PSMD1: variants seen among roughly 807,000 people sequenced by gnomAD.
PSMD1 encodes the protein 26S proteasome non-ATPase regulatory subunit 1.
PSMD1 carries 18 observed loss-of-function variants against 119.0 expected under a neutral mutation model. The ratio of observed to expected loss-of-function variants is 0.15; its 90% CI spans 0.10 to 0.22. The LOEUF is 0.22. PSMD1 is among the 10% of genes least tolerant of loss of function. The pLI, the probability that PSMD1 is intolerant of heterozygous loss-of-function variation, is 1.00. For missense variants in PSMD1, 702 were observed against 1,158.5 expected (o/e 0.61, Z 5.72); for synonymous variants, 374 against 396.6 (o/e 0.94, Z 0.68).
rs144403964 is a variant in PSMD1 at position 231,161,105 on chromosome 2, G to A, written c.2219-235G>A. On this transcript the variant is annotated intron_variant, in intron 19 of 24. Coordinates refer to ENST00000308696, the MANE Select transcript of PSMD1 (RefSeq NM_002807.4). ...CCCGCACATGTAGTCCTAGCTACTCGGGAGGCTAAAAGAGGAGGATCCCTT... is the reference window on the plus strand; with the variant it reads ...CCCGCACATGTAGTCCTAGCTACTCAGGAGGCTAAAAGAGGAGGATCCCTT... Among the ~76,000 whole-genome samples the A allele has an allele frequency of 1.8e-4, 28 of 152,058 alleles. No individual in the cohort carries two copies. In the East Asian group the frequency reaches 2.9e-3, roughly 16 times the overall value.
chr2:231,135,138 A>G (rs975111707), intron 16 of PSMD1, among the ~76,000 whole-genome samples: 7 of 152,218 alleles, frequency 4.6e-5, no homozygotes, highest in African/African-American at 1.7e-4. Context: ...AATTACGGAA[A>G]GAGCTTTAAG....
At position 231,056,966 on chromosome 2, in the gene PSMD1, A is replaced by G. The variant is rs1047709765; in HGVS notation, c.-60A>G. The G allele has an allele frequency of 9.7e-6, 15 of 1,538,800 alleles. No homozygotes were observed. Among genetic ancestry groups the G allele is most frequent in the African/African-American group, 2.8e-5 (2 of 71,484 alleles). On this transcript the variant is annotated 5_prime_UTR_variant, in exon 1 of 25. Transcript: ENST00000308696. ...GGTGAACTGAGCGGCCCCTGAGCTG[A>G]CAGATACACTGCGCAGCTGGAACGG...
At chr2:231,134,295 T>C (rs182448409) in intron 16 of PSMD1, among the ~76,000 whole-genome samples, 165 of 152,316 alleles carry the variant, frequency 1.1e-3, no homozygotes, top group Non-Finnish European at 2.0e-3. Context: ...AAATTCTGTG[T>C]TATCTGTGTG....
rs1052837205 is a variant in PSMD1, at chr2:231,116,433, C to T, written c.1884-22303C>T. Among the ~76,000 whole-genome samples the T allele has an allele frequency of 5.3e-5, 8 of 152,114 alleles. No individual in the cohort carries two copies. In the South Asian group the frequency reaches 1.7e-3, roughly 32 times the overall value. ...CTTGAAGTCCTTACTCTCTCTGTAA[C>T]ATCTTTTAAAATAGTTTGCCAACTA... On this transcript the variant is annotated intron_variant, in intron 16 of 24. Transcript: ENST00000308696.
At chr2:231,134,470 A>G (rs1441162461) in intron 16 of PSMD1, among the ~76,000 whole-genome samples, 1 of 152,194 alleles carries the variant, frequency 6.6e-6, no homozygotes, top group Non-Finnish European at 1.5e-5. Context: ...CGTGTATAAT[A>G]ATCACTCAAT....
chr2:231,105,394 A>G (rs1694952405), intron 16 of PSMD1, among the ~76,000 whole-genome samples: 1 of 152,164 alleles, frequency 6.6e-6, no homozygotes, highest in South Asian at 2.1e-4. Flanking sequence ...TGTTCATGTC[A>G]TTGACTTCTG....
At chr2:231,151,143 T>G (rs940709882) in intron 18 of PSMD1, among the ~76,000 whole-genome samples, 2 of 152,168 alleles carry the variant, frequency 1.3e-5, no homozygotes, top group African/African-American at 4.8e-5. Context: ...AAAGCTAATA[T>G]GATTTTTCTC....
intron 16 of PSMD1, among the ~76,000 whole-genome samples, chr2:231,126,617 A>T (rs1177424228): frequency 1.3e-5 from 2 of 152,116 alleles, no homozygotes; most frequent in East Asian, 3.9e-4. Flanking sequence ...ATAAGCCTTT[A>T]TTGATTTGTT....
chr2:231,135,025 C>G (rs1255852725), intron 16 of PSMD1, among the ~76,000 whole-genome samples: 1 of 152,144 alleles, frequency 6.6e-6, no homozygotes, highest in African/African-American at 2.4e-5. Flanking sequence ...TTATGGGAGA[C>G]AGAAAATATA....
intron 24 of PSMD1, among the ~76,000 whole-genome samples, chr2:231,171,578 G>A (rs934347187): frequency 2.3e-5 from 3 of 131,332 alleles, no homozygotes; most frequent in Middle Eastern, 4.7e-3. Flanking sequence ...TTTTTGAGAC[G>A]GAGTTTCGCT....
intron 18 of PSMD1, among the ~76,000 whole-genome samples, chr2:231,148,921 G>A (rs1019840878): frequency 1.3e-5 from 2 of 152,214 alleles, no homozygotes; most frequent in African/African-American, 4.8e-5. Context: ...AGGCTACAGA[G>A]TCTTAATTGC....
intron 1 of PSMD1, among the ~76,000 whole-genome samples, chr2:231,058,902 C>T (rs1213314472): frequency 1.3e-5 from 2 of 152,108 alleles, no homozygotes; most frequent in Non-Finnish European, 2.9e-5. Flanking sequence ...GCTTACTCTC[C>T]CTCCACCACA....
At chr2:231,134,316 C>G (rs532963798) in intron 16 of PSMD1, among the ~76,000 whole-genome samples, 3 of 152,190 alleles carry the variant, frequency 2.0e-5, no homozygotes, top group African/African-American at 7.2e-5. Flanking sequence ...TTTAGAGGGG[C>G]AGGAGGAAGG....
At chr2:231,130,231 C>T (rs1574758478) in intron 16 of PSMD1, among the ~76,000 whole-genome samples, 1 of 152,346 alleles carries the variant, frequency 6.6e-6, no homozygotes, top group African/African-American at 2.4e-5. Context: ...GTTGAGTACA[C>T]ATGCAGCTGG....
intron 16 of PSMD1, among the ~76,000 whole-genome samples, chr2:231,135,535 T>G (rs1695947099): frequency 6.6e-6 from 1 of 152,146 alleles, no homozygotes; most frequent in Non-Finnish European, 1.5e-5. Flanking sequence ...CTTATATAAC[T>G]TACTGTTATT....
At chr2:231,089,300 T>G (rs1694528875) in intron 16 of PSMD1, among the ~76,000 whole-genome samples, 1 of 152,164 alleles carries the variant, frequency 6.6e-6, no homozygotes, top group Non-Finnish European at 1.5e-5. Flanking sequence ...AACAACAGAT[T>G]TTCCATGTAG....
chr2:231,096,662 A>G (rs555561252), intron 16 of PSMD1, among the ~76,000 whole-genome samples: 3 of 152,354 alleles, frequency 2.0e-5, no homozygotes, highest in African/African-American at 7.2e-5. Context: ...AGTTACTTCT[A>G]TAGAAGGGTG....
At position 231,170,348 on chromosome 2, in the gene PSMD1, A is replaced by G. The variant is rs1310248495; in HGVS notation, c.2716-218A>G. On this transcript the variant is annotated intron_variant, in intron 23 of 24. Transcript: ENST00000308696. This position sits in a 1 kb window ranked among gnomAD's most constrained non-coding sequence, Gnocchi z 4.1. Reference sequence around the variant, plus strand: ...AAATTGGGATGCATCATCCAAGTAGAACAGCATCACATGTTATACCATCTA... The same window carrying G: ...AAATTGGGATGCATCATCCAAGTAGGACAGCATCACATGTTATACCATCTA... 7.1e-6 allele frequency: 3 copies of G among 423,174 alleles called. No individual in the cohort carries two copies. Among genetic ancestry groups the G allele is most frequent in the Non-Finnish European group, 1.2e-5 (3 of 243,572 alleles). The allele number at this position is 423,174 out of a possible 1,614,324, so 26.2% of individuals were successfully genotyped here. A position where few individuals can be genotyped will look rare whatever the true frequency, so the allele number is the denominator to read the frequency against.
chr2:231,153,680 A>C lies in PSMD1; in HGVS notation c.2218+14A>C, dbSNP rs1481197425. 1 of 1,504,552 alleles carries C rather than the reference A, an allele frequency of 6.6e-7. No homozygotes were observed. The highest frequency in any genetic ancestry group is 2.3e-5 in the East Asian group (1 of 44,290). The allele number at this position is 1,504,552 out of a possible 1,614,324, so 93.2% of individuals were successfully genotyped here. A position where few individuals can be genotyped will look rare whatever the true frequency, so the allele number is the denominator to read the frequency against. ...TACTGGATGCAGGTAAATGTTTTTA[A>C]GTCTTCAAGATTTATTTATTTAAAC... is the stretch of plus-strand genomic sequence containing the variant. On this transcript the variant is annotated intron_variant, in intron 19 of 24. Transcript: ENST00000308696.
Sources: gnomAD v4.1 joint callset for allele counts (sites outside exome capture counted in the v4.1 genomes callset) on GRCh38, gnomAD v4.1.1 for gene constraint, Gnocchi (gnomAD v3.1) non-coding constraint, MANE v1.5 for transcripts, NCBI Gene and HGNC (gene_info 2026-07-23, HGNC 2026-07-21) for gene names.